The following AZU1 variants were observed in gnomAD, a reference collection of about 807,000 sequenced individuals.
The protein encoded by AZU1 is azurocidin.
AZU1 carries 21 observed loss-of-function variants against 17.8 expected under a neutral mutation model. The ratio of observed to expected loss-of-function variants is 1.18; its 90% CI spans 0.84 to 1.70. The LOEUF (loss-of-function observed/expected upper bound fraction) is 1.70. Ranked by LOEUF, AZU1 falls within the 40% of genes most tolerant of loss-of-function variation. The pLI is 0.00. For missense variants in AZU1, 379 were observed against 362.9 expected (o/e 1.04, Z -0.36); for synonymous variants, 178 against 155.2 (o/e 1.15, Z -1.09).
At chr19:831,200 C>G in intron 4 of AZU1, 1 of 481,426 alleles carries the variant, frequency 2.1e-6, no homozygotes, top group Non-Finnish European at 3.7e-6. Context: ...CCTGCCTCAG[C>G]CTCCTAAGTA....
At chr19:829,440 G>A in intron 2 of AZU1, 122 bp from the exon 3 acceptor site, 2 of 1,352,708 alleles carry the variant, frequency 1.5e-6, no homozygotes, top group Non-Finnish European at 1.0e-6. Context: ...AAGCGGGGGA[G>A]TTTTCAGGGT....
rs148173821 is a variant in AZU1 at position 831,971 on chromosome 19, C to G, written c.*94C>G. 7.1e-7 allele frequency: 1 copy of G among 1,409,084 alleles called. No individual in the cohort carries two copies. Among genetic ancestry groups the G allele is most frequent in the African/African-American group, 1.4e-5 (1 of 69,124 alleles). The allele number at this position is 1,409,084 out of a possible 1,614,324, so 87.3% of individuals were successfully genotyped here. On this transcript the variant is annotated 3_prime_UTR_variant, in exon 5 of 5. Coordinates refer to ENST00000233997, the MANE Select transcript of AZU1 (RefSeq NM_001700.5). ...CACGGCCCCGCCCCTGCCCCCGCTC[C>G]GGCCAGAGGGGCCCTGGCTGTAATA... is the stretch of plus-strand genomic sequence containing the variant.
intron 4 of AZU1, 100 bp downstream of exon 4, chr19:831,041 C>G (rs1026075091): frequency 9.1e-6 from 11 of 1,205,368 alleles, no homozygotes; most frequent in African/African-American, 6.2e-5. Context: ...AGCAGGGGGG[C>G]CCCAGGATTG....
At chr19:828,098 G>A (rs2035236832) in intron 1 of AZU1, 132 bp from the exon 2 acceptor site, 1 of 1,329,670 alleles carries the variant, frequency 7.5e-7, no homozygotes, top group African/African-American at 1.5e-5. Flanking sequence ...CTCTTAGGGA[G>A]TGGGACGATG....
chr19:828,657 G>A lies in AZU1; in HGVS notation c.215+271G>A, dbSNP rs565923997. Among the ~76,000 whole-genome samples the A allele has an allele frequency of 4.7e-5, 7 of 147,600 alleles. No homozygotes were observed. The East Asian group carries it at 1.2e-3, about 26-fold the overall frequency. ...AGAGAAAGGAAGAGGCTCAGATGGAGGAGGTGCAGTGAAGGAAAGGGGGTC... is the reference window on the plus strand; with the variant it reads ...AGAGAAAGGAAGAGGCTCAGATGGAAGAGGTGCAGTGAAGGAAAGGGGGTC... On this transcript the variant is annotated intron_variant, in intron 2 of 4. Transcript: ENST00000233997.
intron 3 of AZU1, 105 bp downstream of exon 3, chr19:829,811 G>T: frequency 7.0e-7 from 1 of 1,433,272 alleles, no homozygotes; most frequent in Non-Finnish European, 9.4e-7. Context: ...AAAATTAGCC[G>T]GGAGTGGTGG....
Position 830,845 on chromosome 19 carries a change from T to C in AZU1, c.498T>C (p.Phe166=), listed in dbSNP as rs762784855. ...GCAGTGGGGGGCGTCTCTCCCGTTT[T>C]CCCAGGTTTGTCAACGTGACTGTGA... The part of the protein sequence containing the change: ...SQRSGGRLSR[F]PRFVNVTVTP... The change falls in exon 4 of 5, where the codon TTT becomes TTC. Residue 166 remains phenylalanine, a synonymous_variant. Transcript: ENST00000233997. 1 of 1,608,508 alleles carries C rather than the reference T, an allele frequency of 6.2e-7. No homozygotes were observed. The highest frequency in any genetic ancestry group is 8.5e-7 in the Non-Finnish European group (1 of 1,179,956).
chr19:831,481 G>T, intron 4 of AZU1: 2 of 539,738 alleles, frequency 3.7e-6, no homozygotes, highest in Non-Finnish European at 6.5e-6. Flanking sequence ...TCAGGCGTGT[G>T]ATTGCCAGGG....
intron 4 of AZU1, 166 bp from the exon 5 acceptor site, chr19:831,550 A>G: frequency 2.5e-6 from 2 of 808,802 alleles, no homozygotes; most frequent in Non-Finnish European, 3.7e-6. Context: ...ACTGATCCCA[A>G]AGTCCACTAG....
In AZU1 at chr19:832,017, G is replaced by A; in HGVS notation, c.*140G>A. The A allele has an allele frequency of 8.8e-7, 1 of 1,130,624 alleles. No homozygotes were observed. The highest frequency in any genetic ancestry group is 1.6e-5 in the South Asian group (1 of 61,522). 70.0% of individuals were successfully genotyped at this position (1,130,624 alleles called of 1,614,324 possible). On this transcript the variant is annotated 3_prime_UTR_variant, in exon 5 of 5. Transcript: ENST00000233997. ...TAATAAAGAAGCCGATCTCTCCTCT[G>A]CTCCTGGTTTCTGTTCATTGGTGGG...
Position 831,937 on chromosome 19 carries a change from C to T in AZU1, c.*60C>T. The T allele has an allele frequency of 6.5e-7, 1 of 1,545,892 alleles. No individual in the cohort carries two copies. Among genetic ancestry groups the T allele is most frequent in the Non-Finnish European group, 8.8e-7 (1 of 1,137,404 alleles). On this transcript the variant is annotated 3_prime_UTR_variant, in exon 5 of 5. Coordinates refer to ENST00000233997, the MANE Select transcript of AZU1 (RefSeq NM_001700.5). Reference sequence around the variant, plus strand: ...CCCTCCACACCTCCGGCGCTCCGCACCCACCTCCCACGGCCCCGCCCCTGC... The same window carrying T: ...CCCTCCACACCTCCGGCGCTCCGCATCCACCTCCCACGGCCCCGCCCCTGC...
Position 828,395 on chromosome 19 carries a change from T to A in AZU1, c.215+9T>A. 2 of 1,527,480 alleles carry A rather than the reference T, an allele frequency of 1.3e-6. No homozygotes were observed. The highest frequency in any genetic ancestry group is 1.7e-4 in the Middle Eastern group (1 of 5,728). The allele number at this position is 1,527,480 out of a possible 1,614,324, so 94.6% of individuals were successfully genotyped here. ...AGCTGCTTCCAAAGCCAGTGAGGGGTCCTGGGGAGGGGGCCTAGGGGGCAT... is the reference window on the plus strand; with the variant it reads ...AGCTGCTTCCAAAGCCAGTGAGGGGACCTGGGGAGGGGGCCTAGGGGGCAT... On this transcript the variant is annotated intron_variant, in intron 2 of 4. Transcript: ENST00000233997.
intron 3 of AZU1, among the ~76,000 whole-genome samples, chr19:829,936 A>ATATGTGTGTGTGTGTGTGTGTG (rs368933425): frequency 6.5e-5 from 9 of 137,862 alleles, no homozygotes; most frequent in African/African-American, 2.5e-4. Flanking sequence ...AAAAATATAT[A>ATATGTGTGTGTGTGTGTGTGTG]TGTGTGTGTG....
chr19:830,774 G>A lies in AZU1; in HGVS notation c.427G>A (p.Val143Met). 7.5e-6 allele frequency: 12 copies of A among 1,604,722 alleles called. No homozygotes were observed. Among genetic ancestry groups the A allele is most frequent in the Non-Finnish European group, 9.3e-6 (11 of 1,179,766 alleles). The change falls in exon 4 of 5, where the codon GTG becomes ATG. Residue 143 changes from valine to methionine, a missense_variant. Physicochemically the swap from Val to Met is conservative, Grantham distance 21 (BLOSUM62 1). Transcript: ENST00000233997. ...GCCACTGCCTCTGCAGAACGCCACGGTGGAAGCCGGCACCAGATGCCAGGT... is the reference window on the plus strand; with the variant it reads ...GCCACTGCCTCTGCAGAACGCCACGATGGAAGCCGGCACCAGATGCCAGGT... ...ILPLPLQNAT[V>M]EAGTRCQVAG...
chr19:830,965 G>A, intron 4 of AZU1, 24 bp downstream of exon 4: 1 of 1,591,598 alleles, frequency 6.3e-7, no homozygotes, highest in African/African-American at 1.3e-5. Flanking sequence ...GTGGCGGGAG[G>A]AGGGGTCCTG....
At position 829,670 on chromosome 19, in the gene AZU1, C is replaced by A. The variant is rs1252491893; in HGVS notation, c.324C>A (p.Asp108Glu). ...GCAGCATGAGCGAGAATGGCTACGA[C>A]CCCCAGCAGAACCTGAACGACCTGA... ...SISSMSENGY[D>E]PQQNLNDLML... Residue 108 changes from aspartate (D) to glutamate (E), a missense_variant, in exon 3 of 5, where the codon GAC becomes GAA. Asp to Glu is a conservative substitution (Grantham distance 45, BLOSUM62 2). Coordinates refer to ENST00000233997, the MANE Select transcript of AZU1 (RefSeq NM_001700.5). The A allele has an allele frequency of 8.1e-6, 13 of 1,613,392 alleles. No homozygotes were observed. Among genetic ancestry groups the A allele is most frequent in the African/African-American group, 1.3e-5 (1 of 75,022 alleles).
chr19:830,718 A>G lies in AZU1; in HGVS notation c.371A>G (p.Glu124Gly). ...CATTTCCTTCCCCAGCTGGACCGTG[A>G]GGCCAACCTCACCAGCAGCGTGACG... is the stretch of plus-strand genomic sequence containing the variant. ...NDLMLLQLDR[E>G]ANLTSSVTIL... Residue 124 changes from glutamate (E) to glycine (G), a missense_variant, in exon 4 of 5, where the codon GAG (glutamate) becomes GGG (glycine). Coordinates refer to ENST00000233997, the MANE Select transcript of AZU1 (RefSeq NM_001700.5). The G allele has an allele frequency of 6.4e-7, 1 of 1,568,308 alleles. No homozygotes were observed. The highest frequency in any genetic ancestry group is 8.6e-7 in the Non-Finnish European group (1 of 1,160,752).
chr19:831,920 A>C lies in AZU1; in HGVS notation c.*43A>C, dbSNP rs2035294251. 4 of 1,569,650 alleles carry C rather than the reference A, an allele frequency of 2.5e-6. No homozygotes were observed. Among genetic ancestry groups the C allele is most frequent in the South Asian group, 2.3e-5 (2 of 86,668 alleles). On this transcript the variant is annotated 3_prime_UTR_variant, in exon 5 of 5. Coordinates refer to ENST00000233997, the MANE Select transcript of AZU1 (RefSeq NM_001700.5). The stretch of plus-strand genomic sequence containing the variant: ...CATGGAGCCCAGCCCCGCCCTCCAC[A>C]CCTCCGGCGCTCCGCACCCACCTCC...
Position 828,223 on chromosome 19 carries a change from G to T in AZU1, c.59-7G>T. 6.3e-7 allele frequency: 1 copy of T among 1,593,594 alleles called. No homozygotes were observed. Among genetic ancestry groups the T allele is most frequent in the Non-Finnish European group, 8.5e-7 (1 of 1,172,574 alleles). The stretch of plus-strand genomic sequence containing the variant: ...GGGGATCTCAGAGCTGTCTCCCCCC[G>T]ACCCAGGCTCCAGCCCCCTTTTGGA... On this transcript the variant is annotated splice_region_variant and splice_polypyrimidine_tract_variant and intron_variant, in intron 1 of 4. Transcript: ENST00000233997.
Sources: allele counts gnomAD v4.1 joint callset (sites outside exome capture counted in the v4.1 genomes callset), GRCh38; gene constraint gnomAD v4.1.1; transcripts MANE v1.5; gene names NCBI Gene and HGNC (gene_info 2026-07-23, HGNC 2026-07-21).